Variants in LGSN observed in about 807,000 individuals in gnomAD.
The protein encoded by LGSN is lengsin.
In LGSN, 21 loss-of-function variants were observed where a neutral mutation model predicts 19.5. The ratio of observed to expected loss-of-function variants is 1.07; its 90% CI spans 0.76 to 1.55. LGSN has a LOEUF of 1.55. Ranked by LOEUF, LGSN falls within the 40% of genes most tolerant of loss-of-function variation. The pLI, the probability that LGSN is intolerant of heterozygous loss-of-function variation, is 0.00. For synonymous variants in LGSN, 257 were observed against 215.6 expected (o/e 1.19, Z -1.68); for missense variants, 673 against 608.5 (o/e 1.11, Z -1.12).
At chr6:63,456,247 T>TAAAAAAAA in the LGSN span, among the ~76,000 whole-genome samples, 1 of 149,506 alleles carries the variant, frequency 6.7e-6, no homozygotes, top group Non-Finnish European at 1.5e-5. Flanking sequence ...AAGTAAAAGT[T>TAAAAAAAA]AAAAAATTAA....
chr6:63,466,145 CT>C, the LGSN span, among the ~76,000 whole-genome samples: 1 of 152,228 alleles, frequency 6.6e-6, no homozygotes, highest in Admixed American at 6.5e-5. Flanking sequence ...AGAGATCCTT[CT>C]GCCTTGGCCT....
the LGSN span, among the ~76,000 whole-genome samples, chr6:63,470,666 A>G: frequency 2.6e-5 from 4 of 152,160 alleles, no homozygotes; most frequent in South Asian, 8.3e-4. Flanking sequence ...AATACACCTT[A>G]AAAATTGAAA....
the LGSN span, among the ~76,000 whole-genome samples, chr6:63,416,783 GTCT>G: frequency 6.6e-6 from 1 of 151,898 alleles, no homozygotes; most frequent in South Asian, 2.1e-4. Flanking sequence ...GGCCAAGCTG[GTCT>G]TGAATTCCTG....
At chr6:63,304,859 T>C (rs895010801) in intron 1 of LGSN, among the ~76,000 whole-genome samples, 1 of 152,166 alleles carries the variant, frequency 6.6e-6, no homozygotes, top group Non-Finnish European at 1.5e-5. Context: ...TGCCTGATCG[T>C]GAAGACACTA....
the LGSN span, among the ~76,000 whole-genome samples, chr6:63,387,461 A>T: frequency 6.6e-6 from 1 of 152,202 alleles, no homozygotes; most frequent in African/African-American, 2.4e-5. Flanking sequence ...ATATAGAAGC[A>T]TATGCATAGG....
chr6:63,366,743 T>C, the LGSN span, among the ~76,000 whole-genome samples: 4 of 152,142 alleles, frequency 2.6e-5, no homozygotes, highest in Non-Finnish European at 4.4e-5. Context: ...AAAACATAGA[T>C]ATAGACCAAT....
At chr6:63,528,924 G>C in the LGSN span, among the ~76,000 whole-genome samples, 1 of 151,200 alleles carries the variant, frequency 6.6e-6, no homozygotes. Flanking sequence ...CCCCATCTCT[G>C]CTAAAAATAC....
chr6:63,538,408 T>C, the LGSN span, among the ~76,000 whole-genome samples: 1 of 152,326 alleles, frequency 6.6e-6, no homozygotes, highest in South Asian at 2.1e-4. Context: ...AGCAATTGAA[T>C]TATAAAAGAT....
At chr6:63,386,764 G>A in the LGSN span, among the ~76,000 whole-genome samples, 5 of 152,038 alleles carry the variant, frequency 3.3e-5, no homozygotes, top group African/African-American at 1.2e-4. Context: ...TTCTGTAAGG[G>A]GATATTATAG....
chr6:63,367,510 A>G, the LGSN span, among the ~76,000 whole-genome samples: 47 of 152,062 alleles, frequency 3.1e-4, no homozygotes, highest in East Asian at 7.4e-3. Context: ...AAACTAGTTC[A>G]ACCATTGTGG....
chr6:63,533,622 G>C, the LGSN span, among the ~76,000 whole-genome samples: 1 of 152,068 alleles, frequency 6.6e-6, no homozygotes. Context: ...AGGGACTAGA[G>C]CACATGATTA....
chr6:63,426,884 ATGAC>A, the LGSN span, among the ~76,000 whole-genome samples: 2 of 152,214 alleles, frequency 1.3e-5, no homozygotes, highest in East Asian at 3.9e-4. Context: ...GACATTCTGA[ATGAC>A]TGTGGCATAA....
the LGSN span, among the ~76,000 whole-genome samples, chr6:63,451,761 T>TA: frequency 1.8e-4 from 27 of 150,472 alleles, no homozygotes; most frequent in African/African-American, 6.3e-4. Context: ...AAAAATTAAT[T>TA]AAAAAAAAAG....
At chr6:63,373,818 C>T in the LGSN span, among the ~76,000 whole-genome samples, 1 of 151,814 alleles carries the variant, frequency 6.6e-6, no homozygotes, top group Admixed American at 6.6e-5. Context: ...ACCAAAATTA[C>T]AAAACAATCA....
chr6:63,277,465 A>G lies in LGSN; in HGVS notation c.*2556T>C, dbSNP rs1030203552. ...CCCAAATCCCTCAAATTCCCCACTC[A>G]TATGCACACACTCACACACAAACAC... On this transcript the variant is annotated 3_prime_UTR_variant, in exon 4 of 4. Transcript: ENST00000370657. 6.6e-6 allele frequency: 1 copy of G among 152,224 alleles called. No individual in the cohort carries two copies. Among genetic ancestry groups the G allele is most frequent in the African/African-American group, 2.4e-5 (1 of 41,464 alleles). The allele number at this position is 152,224 out of a possible 1,614,324, so 9.4% of individuals were successfully genotyped here.
the LGSN span, among the ~76,000 whole-genome samples, chr6:63,363,995 C>T: frequency 3.3e-5 from 5 of 152,060 alleles, no homozygotes; most frequent in South Asian, 2.1e-4. Flanking sequence ...TAAAGACCAT[C>T]GATGCTAGGA....
the LGSN span, among the ~76,000 whole-genome samples, chr6:63,488,586 A>G: frequency 6.6e-6 from 1 of 152,208 alleles, no homozygotes; most frequent in African/African-American, 2.4e-5. Flanking sequence ...CTGGAAGAAT[A>G]TGAGAATATA....
At chr6:63,516,958 T>C in the LGSN span, among the ~76,000 whole-genome samples, 4 of 152,136 alleles carry the variant, frequency 2.6e-5, no homozygotes, top group Non-Finnish European at 4.4e-5. Flanking sequence ...AACTGACTCT[T>C]CTGGATTTCT....
the LGSN span, among the ~76,000 whole-genome samples, chr6:63,458,114 C>T: frequency 1.3e-5 from 2 of 151,916 alleles, no homozygotes; most frequent in Admixed American, 1.3e-4. Flanking sequence ...GTTACCCAGG[C>T]TGGAGTGCAA....
Sources: allele counts gnomAD v4.1 joint callset (sites outside exome capture counted in the v4.1 genomes callset), GRCh38; gene constraint gnomAD v4.1.1; transcripts MANE v1.5; gene names NCBI Gene and HGNC (gene_info 2026-07-23, HGNC 2026-07-21).